The following BACH2 variants were observed in gnomAD, a reference collection of about 807,000 sequenced individuals.
BACH2 encodes BACH transcriptional regulator 2.
BACH2 carries 5 observed loss-of-function variants against 61.8 expected under a neutral mutation model. The observed-to-expected ratio is 0.08, with a 90% CI of 0.04 to 0.17. The LOEUF (loss-of-function observed/expected upper bound fraction) is 0.17, where lower values mean the gene tolerates loss of function less well. Among genes scored for constraint, BACH2 ranks in the 10% least tolerant of loss-of-function variants. The probability of loss-of-function intolerance (pLI) is 1.00; values close to 1 mark genes in which losing one functional copy is unlikely to be tolerated. For synonymous variants in BACH2, 446 were observed against 440.1 expected (o/e 1.01, Z -0.17); for missense variants, 824 against 1,091.1 (o/e 0.76, Z 3.45).
intron 6 of BACH2, among the ~76,000 whole-genome samples, chr6:90,000,235 C>A (rs1010190995): frequency 6.6e-6 from 1 of 152,182 alleles, no homozygotes; most frequent in African/African-American, 2.4e-5. Context: ...CAACTCCATC[C>A]GAGACTGAGG....
intron 5 of BACH2, among the ~76,000 whole-genome samples, chr6:90,040,556 G>T (rs774612101): frequency 1.3e-4 from 20 of 151,274 alleles, no homozygotes; most frequent in Non-Finnish European, 2.8e-4. Flanking sequence ...GCATCAGCTT[G>T]TTTGGTTACA....
intron 2 of BACH2, among the ~76,000 whole-genome samples, chr6:90,253,060 C>T (rs1182392202): frequency 6.6e-6 from 1 of 152,146 alleles, no homozygotes; most frequent in Non-Finnish European, 1.5e-5. Flanking sequence ...GCTTGGGTAA[C>T]ATGGCAAAAC....
intron 3 of BACH2, among the ~76,000 whole-genome samples, chr6:90,227,805 T>TA (rs746675832): frequency 3.1e-4 from 45 of 143,898 alleles, no homozygotes; most frequent in East Asian, 4.0e-4. Flanking sequence ...TATATCCCTT[T>TA]AAAAAAAAAA....
intron 3 of BACH2, among the ~76,000 whole-genome samples, chr6:90,239,610 AC>A (rs923973485): frequency 1.3e-5 from 2 of 152,230 alleles, no homozygotes; most frequent in African/African-American, 4.8e-5. Flanking sequence ...GGCAATATGC[AC>A]ATATTTATGT....
intron 3 of BACH2, among the ~76,000 whole-genome samples, chr6:90,248,593 G>C (rs1770708314): frequency 6.6e-6 from 1 of 152,206 alleles, no homozygotes; most frequent in African/African-American, 2.4e-5. Flanking sequence ...TAAAATGCAA[G>C]TGAAGGATGA....
intron 3 of BACH2, among the ~76,000 whole-genome samples, chr6:90,209,684 C>T (rs1294563151): frequency 6.6e-6 from 1 of 152,090 alleles, no homozygotes; most frequent in African/African-American, 2.4e-5. Context: ...CCTGAGGAAC[C>T]CCACCCAGCT....
At position 90,008,891 on chromosome 6, in the gene BACH2, G is replaced by A; in HGVS notation, c.-12-35C>T. On this transcript the variant is annotated intron_variant, in intron 5 of 8. Coordinates refer to ENST00000257749, the MANE Select transcript of BACH2 (RefSeq NM_021813.4). This position sits in a 1 kb window ranked among gnomAD's most constrained non-coding sequence, Gnocchi z 4.1. ...AGAAAGAAACAAAGAAAGAAAGAAA[G>A]AAAGGCTGAGTCACCACAGCTGTAG... 6.2e-7 allele frequency: 1 copy of A among 1,605,194 alleles called. No homozygotes were observed. Among genetic ancestry groups the A allele is most frequent in the Non-Finnish European group, 8.5e-7 (1 of 1,174,968 alleles).
At chr6:89,933,765 CG>C (rs1443551563) in intron 8 of BACH2, among the ~76,000 whole-genome samples, 1 of 152,126 alleles carries the variant, frequency 6.6e-6, no homozygotes, top group Non-Finnish European at 1.5e-5. Context: ...TTGTGCGGAT[CG>C]CTTGAGCTCA....
chr6:90,249,465 A>T (rs936179524), intron 3 of BACH2, among the ~76,000 whole-genome samples: 1 of 152,220 alleles, frequency 6.6e-6, no homozygotes, highest in Non-Finnish European at 1.5e-5. Flanking sequence ...CTATTGGAGC[A>T]TTTCAATACA....
chr6:90,006,430 A>G (rs1207659155), intron 6 of BACH2, among the ~76,000 whole-genome samples: 1 of 152,086 alleles, frequency 6.6e-6, no homozygotes, highest in East Asian at 1.9e-4. Context: ...GTTACTTGGT[A>G]CCCAGTCCCC....
chr6:89,999,366 T>C lies in BACH2; in HGVS notation c.243+9236A>G, dbSNP rs369028906. Reference sequence around the variant, plus strand: ...CTCTGCAAGGATGAAGCCATGCTAATTGGACAATGGCTTGCTGCCAGTTCG... The same window carrying C: ...CTCTGCAAGGATGAAGCCATGCTAACTGGACAATGGCTTGCTGCCAGTTCG... On this transcript the variant is annotated intron_variant, in intron 6 of 8. Transcript: ENST00000257749. 9.2e-5 allele frequency among the ~76,000 whole-genome samples: 14 copies of C among 152,114 alleles called. 2 individuals are homozygous for C. The highest frequency in any genetic ancestry group is 7.9e-4 in the Admixed American group (12 of 15,278).
intron 4 of BACH2, among the ~76,000 whole-genome samples, chr6:90,176,438 G>A (rs1767986375): frequency 6.6e-6 from 1 of 152,120 alleles, no homozygotes; most frequent in East Asian, 1.9e-4. Context: ...GGCACCTCAC[G>A]GCACCTGGAC....
At chr6:90,010,894 A>G (rs1295247900) in intron 5 of BACH2, among the ~76,000 whole-genome samples, 1 of 152,208 alleles carries the variant, frequency 6.6e-6, no homozygotes, top group Non-Finnish European at 1.5e-5. Flanking sequence ...CTTTGAAGAA[A>G]TGTCTATTTA....
chr6:90,266,855 A>G (rs1233996358), intron 2 of BACH2, among the ~76,000 whole-genome samples: 1 of 152,128 alleles, frequency 6.6e-6, no homozygotes, highest in Non-Finnish European at 1.5e-5. Flanking sequence ...GGCACTGTAA[A>G]TGTACTATAT....
Position 89,932,553 on chromosome 6 carries a change from C to T in BACH2, c.2381G>A (p.Arg794Lys). The stretch of plus-strand genomic sequence containing the variant: ...TCCCGGGTCAGTGCCTTCTAGTCTC[C>T]TCCCAGAGGTACAATTCTCGGAGGT... Reference protein sequence around the residue: ...SNTSENCTSGRRLEGTDPGTF... With the variant: ...SNTSENCTSGKRLEGTDPGTF... Residue 794 changes from arginine to lysine, a missense_variant, in exon 9 of 9, where the codon AGG (arginine) becomes AAG (lysine). Arg to Lys is a conservative substitution (Grantham distance 26). Around this residue, in one of 8 missense-constraint regions of BACH2, gnomAD observed 135 missense variants for 142.7 expected, o/e 0.95. Transcript: ENST00000257749. 1.9e-6 allele frequency: 3 copies of T among 1,614,090 alleles called. No individual in the cohort carries two copies. The highest frequency in any genetic ancestry group is 2.5e-6 in the Non-Finnish European group (3 of 1,180,012).
intron 5 of BACH2, among the ~76,000 whole-genome samples, chr6:90,047,254 T>C (rs1779826529): frequency 6.6e-6 from 1 of 152,184 alleles, no homozygotes. Context: ...CTTTATCCTC[T>C]TGGTGCTTTC....
In BACH2 at chr6:90,008,964, C is replaced by T; in HGVS notation, c.-12-108G>A. The T allele has an allele frequency of 7.5e-7, 1 of 1,330,778 alleles. No individual in the cohort carries two copies. Among genetic ancestry groups the T allele is most frequent in the Non-Finnish European group, 1.0e-6 (1 of 984,514 alleles). 82.4% of individuals were successfully genotyped at this position (1,330,778 alleles called of 1,614,324 possible). A position where few individuals can be genotyped will look rare whatever the true frequency, so the allele number is the denominator to read the frequency against. On this transcript the variant is annotated intron_variant, in intron 5 of 8. Transcript: ENST00000257749. This position sits in a 1 kb window ranked among gnomAD's most constrained non-coding sequence, Gnocchi z 4.1. ...AGAACATCATGGTTCCTGTGTCCCA[C>T]TGCCATGAGCATGGCAGGAAGGAGG...
intron 3 of BACH2, among the ~76,000 whole-genome samples, chr6:90,250,474 C>G (rs1770770921): frequency 6.6e-6 from 1 of 152,162 alleles, no homozygotes; most frequent in Admixed American, 6.5e-5. Context: ...TGTAGTTTGT[C>G]AAATGAAGCC....
intron 6 of BACH2, among the ~76,000 whole-genome samples, chr6:89,961,089 AG>A (rs1774718258): frequency 6.6e-6 from 1 of 152,172 alleles, no homozygotes; most frequent in South Asian, 2.1e-4. Flanking sequence ...TTTCCCATTC[AG>A]GTATAGATGG....
Sources: gnomAD v4.1 joint callset for allele counts (sites outside exome capture counted in the v4.1 genomes callset) on GRCh38, gnomAD v4.1.1 for gene constraint, gnomAD v4.1.1 regional missense constraint, Gnocchi (gnomAD v3.1) non-coding constraint, MANE v1.5 for transcripts, NCBI Gene and HGNC (gene_info 2026-07-23, HGNC 2026-07-21) for gene names.